The following MPHOSPH10 variants were observed in gnomAD, a reference collection of about 807,000 sequenced individuals.
MPHOSPH10 encodes U3 small nucleolar ribonucleoprotein MPP10.
Under a neutral mutation model 77.3 loss-of-function variants are expected in MPHOSPH10, and 33 were observed. That is an observed-to-expected ratio of 0.43 (90% CI 0.32 to 0.57). The LOEUF (loss-of-function observed/expected upper bound fraction) is 0.57, where lower values mean the gene tolerates loss of function less well. Among genes scored for constraint, MPHOSPH10 ranks in the 20% least tolerant of loss-of-function variants. MPHOSPH10 has a pLI of 0.07. For synonymous variants in MPHOSPH10, 245 were observed against 268.0 expected (o/e 0.91, Z 0.84); for missense variants, 708 against 780.1 (o/e 0.91, Z 1.10).
intron 6 of MPHOSPH10, among the ~76,000 whole-genome samples, chr2:71,140,801 G>A (rs1048103340): frequency 6.6e-6 from 1 of 152,060 alleles, no homozygotes; most frequent in Non-Finnish European, 1.5e-5. Context: ...GGGTTTAAAG[G>A]GTGAGTATCA....
rs759379056 is a variant in MPHOSPH10 at position 71,134,809 on chromosome 2, T to C, written c.1098+12T>C. On this transcript the variant is annotated intron_variant, in intron 4 of 10. Transcript: ENST00000244230. ...AAAGACAGGAAAAGGTAATTAGTAATTTAAGGAATTTTTAATATACTTGAT... is the reference window on the plus strand; with the variant it reads ...AAAGACAGGAAAAGGTAATTAGTAACTTAAGGAATTTTTAATATACTTGAT... The C allele has an allele frequency of 9.2e-6, 14 of 1,522,334 alleles. No homozygotes were observed. The Admixed American group carries it at 1.6e-4, about 17-fold the overall frequency. 94.3% of individuals were successfully genotyped at this position (1,522,334 alleles called of 1,614,324 possible).
At chr2:71,134,213 A>G (rs1558752772) in intron 3 of MPHOSPH10, 108 bp downstream of exon 3, 1 of 1,083,418 alleles carries the variant, frequency 9.2e-7, no homozygotes. Context: ...ATTCTCTAAT[A>G]TCAGATATTC....
In MPHOSPH10 at chr2:71,148,056, G is replaced by T; in HGVS notation, c.1615G>T (p.Ala539Ser). ...GCCAGCCATAACCATGGAGGAAGTAGCCCCAGTGAGTGTTAGTGATGCAGC... is the reference window on the plus strand; with the variant it reads ...GCCAGCCATAACCATGGAGGAAGTATCCCCAGTGAGTGTTAGTGATGCAGC... ...NLPAITMEEV[A>S]PVSVSDAALL... Residue 539 changes from alanine to serine, a missense_variant, in exon 9 of 11, where the codon GCC (alanine) becomes TCC (serine). Physicochemically the swap from Ala to Ser is moderately conservative, Grantham distance 99. Transcript: ENST00000244230. The T allele has an allele frequency of 3.1e-6, 5 of 1,614,166 alleles. No homozygotes were observed. Among genetic ancestry groups the T allele is most frequent in the Non-Finnish European group, 4.2e-6 (5 of 1,180,034 alleles).
At position 71,133,554 on chromosome 2, in the gene MPHOSPH10, T is replaced by A; in HGVS notation, c.746T>A (p.Leu249Gln). ...GATTCTGATGAAGATGAAGGGGGAC[T>A]GTTTGGAAGTAAAAAACTTAAGGTA... The part of the protein sequence containing the change: ...DIDSDEDEGG[L>Q]FGSKKLKSGK... Residue 249 changes from leucine to glutamine, a missense_variant, in exon 2 of 11, where the codon CTG becomes CAG. Transcript: ENST00000244230. 6.3e-7 allele frequency: 1 copy of A among 1,584,568 alleles called. No homozygotes were observed. Among genetic ancestry groups the A allele is most frequent in the South Asian group, 1.2e-5 (1 of 85,906 alleles).
intron 6 of MPHOSPH10, among the ~76,000 whole-genome samples, chr2:71,140,980 G>A (rs969423934): frequency 1.3e-5 from 2 of 151,842 alleles, no homozygotes; most frequent in African/African-American, 2.4e-5. Context: ...CTTTCCTAAT[G>A]TTTATTCTTT....
chr2:71,135,702 CT>C (rs781167523), intron 4 of MPHOSPH10, among the ~76,000 whole-genome samples: 114 of 130,644 alleles, frequency 8.7e-4, no homozygotes, highest in South Asian at 3.5e-3. Context: ...TTTTCTTTTT[CT>C]TTTTTTTTTT....
chr2:71,143,271 A>AACAGGC (rs940968051), intron 7 of MPHOSPH10, among the ~76,000 whole-genome samples: 1 of 151,606 alleles, frequency 6.6e-6, no homozygotes, highest in African/African-American at 2.4e-5. Context: ...CCTCCTGAGT[A>AACAGGC]ACAGGCACAT....
intron 7 of MPHOSPH10, among the ~76,000 whole-genome samples, chr2:71,144,063 C>T (rs1348980780): frequency 2.6e-5 from 4 of 152,212 alleles, no homozygotes; most frequent in African/African-American, 9.6e-5. Flanking sequence ...CAACAATGCA[C>T]AAGGGTTCCA....
intron 4 of MPHOSPH10, among the ~76,000 whole-genome samples, chr2:71,135,602 A>G (rs552208949): frequency 8.6e-5 from 13 of 151,690 alleles, no homozygotes; most frequent in Non-Finnish European, 1.8e-4. Context: ...TAATATCTTT[A>G]TATGTATAGC....
chr2:71,141,821 G>A (rs1317434085), intron 7 of MPHOSPH10, among the ~76,000 whole-genome samples: 1 of 152,098 alleles, frequency 6.6e-6, no homozygotes, highest in Non-Finnish European at 1.5e-5. Flanking sequence ...CTTGAGGTCA[G>A]GAGTTTTAGA....
At chr2:71,138,273 T>C (rs1346247772) in intron 4 of MPHOSPH10, among the ~76,000 whole-genome samples, 1 of 152,136 alleles carries the variant, frequency 6.6e-6, no homozygotes, top group African/African-American at 2.4e-5. Context: ...ATTATAAACA[T>C]GGCATTTTAA....
At chr2:71,149,187 G>A in intron 9 of MPHOSPH10, 36 bp from the exon 10 acceptor site, 3 of 1,511,910 alleles carry the variant, frequency 2.0e-6, no homozygotes, top group Non-Finnish European at 2.7e-6. Context: ...TGTTAAACTT[G>A]ATGAATGAAT....
At chr2:71,143,479 A>G (rs1440314834) in intron 7 of MPHOSPH10, among the ~76,000 whole-genome samples, 1 of 152,154 alleles carries the variant, frequency 6.6e-6, no homozygotes, top group Non-Finnish European at 1.5e-5. Flanking sequence ...TGTGAGATTT[A>G]TATAACATAA....
intron 4 of MPHOSPH10, 64 bp downstream of exon 4, chr2:71,134,861 C>A (rs2103663101): frequency 7.7e-7 from 1 of 1,291,828 alleles, no homozygotes; most frequent in Non-Finnish European, 1.1e-6. Context: ...AAACTATTAA[C>A]CATCCTTTGA....
At position 71,141,265 on chromosome 2, in the gene MPHOSPH10, A is replaced by G; in HGVS notation, c.1342A>G (p.Lys448Glu). ...WDDVVRKEKP[K>E]EDAYEYKKRL... is the part of the protein sequence containing the mutation. ...TGATGTAGTACGTAAAGAAAAACCT[A>G]AAGAGGATGCATATGAATATAAAAA... Residue 448 changes from lysine (K) to glutamate (E), a missense_variant, in exon 7 of 11, where the codon AAA becomes GAA. Physicochemically the swap from Lys to Glu is moderately conservative, Grantham distance 56. Transcript: ENST00000244230. 6.4e-7 allele frequency: 1 copy of G among 1,551,316 alleles called. No homozygotes were observed. Among genetic ancestry groups the G allele is most frequent in the Non-Finnish European group, 8.7e-7 (1 of 1,150,312 alleles).
chr2:71,145,101 C>T (rs1673682597), intron 8 of MPHOSPH10, among the ~76,000 whole-genome samples: 2 of 151,176 alleles, frequency 1.3e-5, no homozygotes, highest in Non-Finnish European at 2.9e-5. Flanking sequence ...GTTCCTTCAC[C>T]AGGCCCAGCC....
At chr2:71,139,559 A>G (rs1673569808) in intron 5 of MPHOSPH10, 8 of 365,564 alleles carry the variant, frequency 2.2e-5, no homozygotes. Context: ...AGCACTTACT[A>G]CCATATGTAT....
chr2:71,147,915 C>G (rs561673914), intron 8 of MPHOSPH10, 84 bp from the exon 9 acceptor site: 4 of 1,040,844 alleles, frequency 3.8e-6, no homozygotes, highest in South Asian at 2.7e-5. Context: ...ATATATTATA[C>G]TTTAAGTTAA....
At chr2:71,131,614 G>T (rs540967970) in intron 1 of MPHOSPH10, among the ~76,000 whole-genome samples, 1 of 152,190 alleles carries the variant, frequency 6.6e-6, no homozygotes, top group Non-Finnish European at 1.5e-5. Flanking sequence ...TCAACTAATG[G>T]TGATGGGGAA....
Sources: gnomAD v4.1 joint callset for allele counts (sites outside exome capture counted in the v4.1 genomes callset) on GRCh38, gnomAD v4.1.1 for gene constraint, MANE v1.5 for transcripts, NCBI Gene and HGNC (gene_info 2026-07-23, HGNC 2026-07-21) for gene names.